INSL6: variants seen among roughly 807,000 people sequenced by gnomAD.
INSL6 encodes insulin like 6.
A neutral mutation model predicts 9.4 loss-of-function variants in INSL6; 16 were observed. That is an observed-to-expected ratio of 1.70 (90% CI 1.15 to 2.59). The LOEUF (loss-of-function observed/expected upper bound fraction) is 2.59. INSL6 is among the 30% of genes most tolerant of loss of function. INSL6 has a pLI of 0.00. For missense variants in INSL6, 391 were observed against 257.3 expected, an observed-to-expected ratio of 1.52 and a Z score of -3.56; for synonymous variants, 154 against 96.9, an observed-to-expected ratio of 1.59 and a Z score of -3.46.
At chr9:5,103,807 C>A in the INSL6 span, among the ~76,000 whole-genome samples, 1,603 of 152,180 alleles carry the variant, frequency 0.011, 63 homozygotes, top group East Asian at 0.1. Flanking sequence ...CAACCTGCTC[C>A]TGAATGACTA....
chr9:5,178,023 A>G (rs567463507), intron 1 of INSL6, among the ~76,000 whole-genome samples: 1 of 152,102 alleles, frequency 6.6e-6, no homozygotes, highest in Non-Finnish European at 1.5e-5. Flanking sequence ...TTACAGGCAC[A>G]TGCCACCATG....
chr9:5,114,242 C>T, the INSL6 span: 1 of 531,288 alleles, frequency 1.9e-6, no homozygotes, highest in Non-Finnish European at 3.7e-6. Context: ...GCAAGTTGCC[C>T]ACAATCACCT....
At chr9:5,071,415 A>G in the INSL6 span, among the ~76,000 whole-genome samples, 1 of 152,214 alleles carries the variant, frequency 6.6e-6, no homozygotes, top group Non-Finnish European at 1.5e-5. Flanking sequence ...ACATGTTTAA[A>G]GATAGAAAAG....
chr9:5,032,199 G>T, the INSL6 span, among the ~76,000 whole-genome samples: 1,358 of 152,354 alleles, frequency 8.9e-3, 17 homozygotes, highest in African/African-American at 0.03. Flanking sequence ...CGAGGCTGGG[G>T]GAGGGGCGCC....
intron 2 of INSL6, among the ~76,000 whole-genome samples, chr9:5,146,386 C>A (rs1195058312): frequency 6.6e-6 from 1 of 152,176 alleles, no homozygotes; most frequent in African/African-American, 2.4e-5. Context: ...TCCCTGCAGG[C>A]ATTCACCACA....
intron 3 of INSL6, among the ~76,000 whole-genome samples, chr9:5,125,390 T>G (rs1438281933): frequency 6.6e-6 from 1 of 151,406 alleles, no homozygotes; most frequent in Non-Finnish European, 1.5e-5. Context: ...AATTGCTGAG[T>G]AGCATTCCAT....
At chr9:5,088,633 T>A in the INSL6 span, among the ~76,000 whole-genome samples, 14 of 152,216 alleles carry the variant, frequency 9.2e-5, no homozygotes, top group Admixed American at 1.3e-4. Context: ...ATAGACTGGG[T>A]AGCTTAAACA....
chr9:5,093,969 A>G, the INSL6 span, among the ~76,000 whole-genome samples: 6 of 152,154 alleles, frequency 3.9e-5, no homozygotes, highest in Admixed American at 3.9e-4. Flanking sequence ...CCCTCCCCCC[A>G]TAAATGATGC....
At chr9:5,056,292 C>T in the INSL6 span, among the ~76,000 whole-genome samples, 1 of 151,932 alleles carries the variant, frequency 6.6e-6, no homozygotes, top group Admixed American at 6.6e-5. Flanking sequence ...TAAATAGCTT[C>T]AGAAATCTAA....
chr9:5,051,479 T>C, the INSL6 span, among the ~76,000 whole-genome samples: 4 of 152,138 alleles, frequency 2.6e-5, no homozygotes, highest in Non-Finnish European at 5.9e-5. Flanking sequence ...TCCAAGAGAT[T>C]TGGATTCAGT....
the INSL6 span, among the ~76,000 whole-genome samples, chr9:5,017,036 C>T: frequency 6.6e-6 from 1 of 152,166 alleles, no homozygotes; most frequent in Non-Finnish European, 1.5e-5. Flanking sequence ...TATTGCAGAA[C>T]ATTGCTGCTA....
chr9:5,007,264 C>T, the INSL6 span, among the ~76,000 whole-genome samples: 1 of 152,060 alleles, frequency 6.6e-6, no homozygotes, highest in African/African-American at 2.4e-5. Context: ...TCTTAGTATA[C>T]ACTTTTACTG....
At chr9:5,160,932 G>C (rs566486151), downstream of INSL6, among the ~76,000 whole-genome samples, 50 of 152,212 alleles carry the variant, frequency 3.3e-4, no homozygotes, top group African/African-American at 1.2e-3. Context: ...CATGTAATAA[G>C]ATTGAAGCTA....
chr9:5,050,900 CTG>C, the INSL6 span: 1 of 1,347,822 alleles, frequency 7.4e-7, no homozygotes, highest in East Asian at 2.3e-5. Context: ...TATATATTTT[CTG>C]TGTTTACCCA....
chr9:5,072,585 C>G, the INSL6 span: 2 of 1,609,796 alleles, frequency 1.2e-6, no homozygotes, highest in East Asian at 2.2e-5. Context: ...AACAGAAGTT[C>G]TTTTAAAAGT....
chr9:5,002,080 T>G, the INSL6 span, among the ~76,000 whole-genome samples: 220 of 152,096 alleles, frequency 1.4e-3, no homozygotes, highest in South Asian at 2.7e-3. Context: ...GTTTGTAAAT[T>G]GATCATCTTA....
At chr9:5,020,750 G>A in the INSL6 span, among the ~76,000 whole-genome samples, 1 of 152,144 alleles carries the variant, frequency 6.6e-6, no homozygotes, top group Non-Finnish European at 1.5e-5. Context: ...GAGCAGTGGG[G>A]TTATTGCCAA....
At chr9:5,111,068 G>T in the INSL6 span, 1 of 1,204,478 alleles carries the variant, frequency 8.3e-7, no homozygotes. Context: ...CTTGAGAACT[G>T]GCCCAGCTCA....
chr9:5,086,980 G>A, the INSL6 span, among the ~76,000 whole-genome samples: 2 of 151,946 alleles, frequency 1.3e-5, no homozygotes, highest in Admixed American at 6.5e-5. Flanking sequence ...TCCTAGTACG[G>A]GAACAATACA....
Sources: gnomAD v4.1 joint callset for allele counts (sites outside exome capture counted in the v4.1 genomes callset) on GRCh38, gnomAD v4.1.1 for gene constraint, MANE v1.5 for transcripts, NCBI Gene and HGNC (gene_info 2026-07-23, HGNC 2026-07-21) for gene names.